LRRTM4: variants seen among roughly 807,000 people sequenced by gnomAD.
The protein encoded by LRRTM4 is leucine rich repeat transmembrane neuronal 4, also known as leucine-rich repeat transmembrane neuronal protein 4.
Under a neutral mutation model 47.6 loss-of-function variants are expected in LRRTM4, and 25 were observed. That is an observed-to-expected ratio of 0.53 (90% confidence interval 0.38 to 0.73). LRRTM4 has a LOEUF of 0.73. Ranked by LOEUF, LRRTM4 falls within the 30% of genes least tolerant of loss-of-function variation. The pLI is 0.00. For synonymous variants in LRRTM4, 311 were observed against 269.5 expected (o/e 1.15, Z -1.51); for missense variants, 638 against 713.4 (o/e 0.89, Z 1.20).
At chr2:77,189,888 C>T (rs1673619203) in intron 3 of LRRTM4, among the ~76,000 whole-genome samples, 2 of 151,884 alleles carry the variant, frequency 1.3e-5, no homozygotes, top group Admixed American at 6.6e-5. Flanking sequence ...ATATAACTGA[C>T]TAGCTTTTAA....
intron 3 of LRRTM4, among the ~76,000 whole-genome samples, chr2:76,940,299 T>G (rs1675091847): frequency 6.6e-6 from 1 of 152,120 alleles, no homozygotes; most frequent in African/African-American, 2.4e-5. Context: ...CCAAGGAACA[T>G]GCAGACATAA....
chr2:76,796,132 A>C (rs138808669), intron 3 of LRRTM4, among the ~76,000 whole-genome samples: 2 of 138,744 alleles, frequency 1.4e-5, no homozygotes, highest in Non-Finnish European at 3.2e-5. Context: ...GGCACACCAC[A>C]AGATTATATC....
intron 3 of LRRTM4, among the ~76,000 whole-genome samples, chr2:77,076,423 C>CT (rs11435198): frequency 0.047 from 7,071 of 151,872 alleles, 190 homozygotes; most frequent in South Asian, 0.082. Context: ...AGTTTCAGCC[C>CT]GTTACTCCCC....
chr2:77,371,186 C>T (rs182498188), intron 3 of LRRTM4, among the ~76,000 whole-genome samples: 1 of 151,836 alleles, frequency 6.6e-6, no homozygotes, highest in African/African-American at 2.4e-5. Context: ...TCTCAAGATA[C>T]TCAATAACGA....
intron 3 of LRRTM4, among the ~76,000 whole-genome samples, chr2:76,794,646 A>AT (rs533614795): frequency 2.8e-4 from 42 of 152,186 alleles, no homozygotes; most frequent in African/African-American, 8.7e-4. Context: ...TAGTATTTAC[A>AT]TTTTTTTGTT....
At chr2:76,917,548 A>G (rs772736704) in intron 3 of LRRTM4, among the ~76,000 whole-genome samples, 55 of 152,112 alleles carry the variant, frequency 3.6e-4, no homozygotes, top group Non-Finnish European at 6.9e-4. Context: ...TAATGTGCGT[A>G]TATCACCATT....
Position 76,792,758 on chromosome 2 carries a change from G to A in LRRTM4, c.1552-43842C>T, listed in dbSNP as rs890895141. Reference sequence around the variant, plus strand: ...TTTCCTGTAAATGCCAGGCGCTAAGGACTTTCAACTCCTTCTCTCCTCAAC... The same window carrying A: ...TTTCCTGTAAATGCCAGGCGCTAAGAACTTTCAACTCCTTCTCTCCTCAAC... On this transcript the variant is annotated intron_variant, in intron 3 of 3. Coordinates refer to ENST00000409884, the MANE Select transcript of LRRTM4 (RefSeq NM_001134745.3). Among the ~76,000 whole-genome samples, 3 of 151,990 alleles carry A rather than the reference G, an allele frequency of 2.0e-5. No homozygotes were observed. The East Asian group carries it at 5.8e-4, about 29-fold the overall frequency.
chr2:77,185,571 A>C (rs983902656), intron 3 of LRRTM4, among the ~76,000 whole-genome samples: 17 of 152,172 alleles, frequency 1.1e-4, no homozygotes, highest in African/African-American at 3.6e-4. Context: ...GTCTGTGTGC[A>C]TATTTGGAAT....
At chr2:77,161,378 T>C (rs766160262) in intron 3 of LRRTM4, among the ~76,000 whole-genome samples, 7 of 152,136 alleles carry the variant, frequency 4.6e-5, no homozygotes, top group Non-Finnish European at 7.3e-5. Context: ...GCCAGTCAAA[T>C]CATTCTTTTA....
intron 3 of LRRTM4, among the ~76,000 whole-genome samples, chr2:77,397,429 G>A (rs1325636529): frequency 2.6e-5 from 4 of 151,856 alleles, no homozygotes; most frequent in Non-Finnish European, 4.4e-5. Flanking sequence ...TCAGTGAAGA[G>A]ACATTTTAAA....
intron 3 of LRRTM4, among the ~76,000 whole-genome samples, chr2:76,837,700 T>C (rs1671555233): frequency 6.6e-6 from 1 of 152,144 alleles, no homozygotes; most frequent in South Asian, 2.1e-4. Context: ...TGTCCAACAA[T>C]GATAGACTGG....
At chr2:76,939,518 G>A (rs17013378) in intron 3 of LRRTM4, among the ~76,000 whole-genome samples, 2,626 of 151,854 alleles carry the variant, frequency 0.017, 95 homozygotes, top group African/African-American at 0.06. Flanking sequence ...GAAAGCTCCC[G>A]TGCAGTGATA....
At chr2:77,447,515 T>C (rs1309892612) in intron 3 of LRRTM4, among the ~76,000 whole-genome samples, 2 of 152,130 alleles carry the variant, frequency 1.3e-5, no homozygotes, top group Non-Finnish European at 2.9e-5. Flanking sequence ...CCACATTCTA[T>C]GTCCAATTTC....
chr2:77,036,319 C>T (rs1003478525), intron 3 of LRRTM4, among the ~76,000 whole-genome samples: 5 of 151,764 alleles, frequency 3.3e-5, no homozygotes, highest in African/African-American at 1.2e-4. Flanking sequence ...AGATATTTTA[C>T]AATTTCATGG....
intron 3 of LRRTM4, among the ~76,000 whole-genome samples, chr2:77,013,177 A>G (rs727001): frequency 0.52 from 79,248 of 151,970 alleles, 21,927 homozygotes; most frequent in African/African-American, 0.7. Flanking sequence ...CTGAATCAGG[A>G]GGGAAAGGTA....
At chr2:76,900,536 T>C (rs998423299) in intron 3 of LRRTM4, among the ~76,000 whole-genome samples, 2 of 152,132 alleles carry the variant, frequency 1.3e-5, no homozygotes, top group African/African-American at 4.8e-5. Flanking sequence ...CATAAAATAG[T>C]TCCTGGTATA....
Position 77,457,607 on chromosome 2 carries a change from C to A in LRRTM4, c.1551+60711G>T, listed in dbSNP as rs1259333889. ...CCACTGCCATTTACAAAAAAAAAAT[C>A]TAATGCTGTATCTGGTACTATAAAA... On this transcript the variant is annotated intron_variant, in intron 3 of 3. Coordinates refer to ENST00000409884, the MANE Select transcript of LRRTM4 (RefSeq NM_001134745.3). Among the ~76,000 whole-genome samples the A allele has an allele frequency of 3.3e-5, 5 of 152,138 alleles. No individual in the cohort carries two copies. In the East Asian group the frequency reaches 7.7e-4, roughly 24 times the overall value.
chr2:77,095,688 T>G (rs2103898788), intron 3 of LRRTM4, among the ~76,000 whole-genome samples: 1 of 152,088 alleles, frequency 6.6e-6, no homozygotes. Context: ...TTTGTATTTT[T>G]TAGTAGAGAC....
chr2:77,240,265 G>T (rs545612017), intron 3 of LRRTM4, among the ~76,000 whole-genome samples: 2 of 151,944 alleles, frequency 1.3e-5, no homozygotes, highest in South Asian at 4.2e-4. Context: ...ATCAAAATTA[G>T]TGGATGCAAT....
Sources: gnomAD v4.1 joint callset for allele counts (sites outside exome capture counted in the v4.1 genomes callset) on GRCh38, gnomAD v4.1.1 for gene constraint, MANE v1.5 for transcripts, NCBI Gene and HGNC (gene_info 2026-07-23, HGNC 2026-07-21) for gene names.